Variants in MAPKAPK2 observed in about 807,000 individuals in gnomAD.
The protein encoded by MAPKAPK2 is MAP kinase-activated protein kinase 2.
A neutral mutation model predicts 48.8 loss-of-function variants in MAPKAPK2; 9 were observed. The ratio of observed to expected loss-of-function variants is 0.18; its 90% CI spans 0.11 to 0.32. MAPKAPK2 has a LOEUF of 0.32. MAPKAPK2 is among the 10% of genes least tolerant of loss of function. The probability of loss-of-function intolerance (pLI) is 1.00; values close to 1 mark genes in which losing one functional copy is unlikely to be tolerated. For missense variants in MAPKAPK2, 331 were observed against 498.3 expected (o/e 0.66, Z 3.20); for synonymous variants, 202 against 190.6 (o/e 1.06, Z -0.49).
Position 206,730,882 on chromosome 1 carries a change from T to C in MAPKAPK2, c.767+119T>C, listed in dbSNP as rs151227834. Reference sequence around the variant, plus strand: ...CCTTTGTACAGGGGAGTCCCCTGCGTGCCCCTTCTCTCAGTTCCGATAGCT... The same window carrying C: ...CCTTTGTACAGGGGAGTCCCCTGCGCGCCCCTTCTCTCAGTTCCGATAGCT... On this transcript the variant is annotated intron_variant, in intron 6 of 9. Coordinates refer to ENST00000367103, the MANE Select transcript of MAPKAPK2 (RefSeq NM_032960.4). The C allele has an allele frequency of 8.5e-5, 96 of 1,126,018 alleles. No individual in the cohort carries two copies. In the African/African-American group the frequency reaches 1.3e-3, roughly 15 times the overall value. The allele number at this position is 1,126,018 out of a possible 1,614,324, so 69.8% of individuals were successfully genotyped here. A position where few individuals can be genotyped will look rare whatever the true frequency, so the allele number is the denominator to read the frequency against.
chr1:206,700,653 T>A (rs1553427786), intron 1 of MAPKAPK2, among the ~76,000 whole-genome samples: 1 of 152,234 alleles, frequency 6.6e-6, no homozygotes, highest in Non-Finnish European at 1.5e-5. Context: ...TGTTTGGAAA[T>A]GTACAGATGA....
chr1:206,722,834 C>T (rs1309090083), intron 1 of MAPKAPK2, among the ~76,000 whole-genome samples: 1 of 152,218 alleles, frequency 6.6e-6, no homozygotes, highest in Non-Finnish European at 1.5e-5. Flanking sequence ...TTACACCCCT[C>T]AGAGCACCCG....
intron 1 of MAPKAPK2, 87 bp from the exon 2 acceptor site, chr1:206,728,623 C>A: frequency 1.3e-6 from 2 of 1,489,842 alleles, no homozygotes; most frequent in African/African-American, 1.4e-5. Flanking sequence ...TGTGGTATGT[C>A]GGTGGCGATG....
At chr1:206,688,930 G>T (rs185196361) in intron 1 of MAPKAPK2, among the ~76,000 whole-genome samples, 2 of 152,048 alleles carry the variant, frequency 1.3e-5, no homozygotes, top group Non-Finnish European at 2.9e-5. Flanking sequence ...TACCGCGCCC[G>T]GCCTGTATTA....
At chr1:206,709,662 T>G (rs1673077462) in intron 1 of MAPKAPK2, among the ~76,000 whole-genome samples, 1 of 152,222 alleles carries the variant, frequency 6.6e-6, no homozygotes, top group Admixed American at 6.5e-5. Context: ...CATTGTGTCA[T>G]TTAGTTTTTG....
Position 206,731,548 on chromosome 1 carries a change from T to C in MAPKAPK2, c.893-92T>C, listed in dbSNP as rs1350513689. The C allele has an allele frequency of 2.4e-6, 3 of 1,242,540 alleles. No individual in the cohort carries two copies. The highest frequency in any genetic ancestry group is 3.6e-6 in the Non-Finnish European group (3 of 844,414). The allele number at this position is 1,242,540 out of a possible 1,614,324, so 77.0% of individuals were successfully genotyped here. On this transcript the variant is annotated intron_variant, in intron 7 of 9. Coordinates refer to ENST00000367103, the MANE Select transcript of MAPKAPK2 (RefSeq NM_032960.4). The surrounding 1 kb of genome is among the most constrained non-coding windows in gnomAD (Gnocchi z 5.9). ...GCAGCCTGCCTCCATGCACCCCCTC[T>C]TTGAACCTGGTTTCCCCATGAAAAC...
chr1:206,716,666 T>A (rs1336948663), intron 1 of MAPKAPK2, among the ~76,000 whole-genome samples: 1 of 152,090 alleles, frequency 6.6e-6, no homozygotes, highest in Non-Finnish European at 1.5e-5. Flanking sequence ...AAAGTAAAAT[T>A]TTAGATTTGC....
chr1:206,728,604 T>TG, intron 1 of MAPKAPK2, 106 bp from the exon 2 acceptor site: 1 of 1,122,990 alleles, frequency 8.9e-7, no homozygotes, highest in Non-Finnish European at 1.2e-6. Context: ...CCAGCAGGAG[T>TG]GGGGGGTTTG....
In MAPKAPK2 at chr1:206,732,731, T is replaced by A. The variant is rs1026170326; in HGVS notation, c.*13T>A. 1.9e-6 allele frequency: 3 copies of A among 1,613,928 alleles called. No homozygotes were observed. The highest frequency in any genetic ancestry group is 2.5e-6 in the Non-Finnish European group (3 of 1,179,910). ...TCTGGCCCACTGAGCCACCGCGCCC[T>A]CCTGCCCACGGGAGGACAAGCAATA... On this transcript the variant is annotated 3_prime_UTR_variant, in exon 10 of 10. Transcript: ENST00000367103. The surrounding 1 kb of genome is among the most constrained non-coding windows in gnomAD (Gnocchi z 4.4).
intron 1 of MAPKAPK2, among the ~76,000 whole-genome samples, chr1:206,713,829 G>A (rs1388185107): frequency 6.6e-6 from 1 of 152,210 alleles, no homozygotes; most frequent in Non-Finnish European, 1.5e-5. Flanking sequence ...TCATGCCACT[G>A]CACTCCAGCC....
intron 1 of MAPKAPK2, among the ~76,000 whole-genome samples, chr1:206,686,531 G>A (rs1672293850): frequency 6.6e-6 from 1 of 152,204 alleles, no homozygotes; most frequent in South Asian, 2.1e-4. Context: ...AGGGGTTTCA[G>A]GTCAAACCAA....
chr1:206,731,494 C>T lies in MAPKAPK2; in HGVS notation c.893-146C>T, dbSNP rs904899123. Reference sequence around the variant, plus strand: ...TGCAGGGCCTCTCAAGTGGTACAGCCGTAATGGTCCTTGGGGCCAGTTGCT... The same window carrying T: ...TGCAGGGCCTCTCAAGTGGTACAGCTGTAATGGTCCTTGGGGCCAGTTGCT... On this transcript the variant is annotated intron_variant, in intron 7 of 9. Coordinates refer to ENST00000367103, the MANE Select transcript of MAPKAPK2 (RefSeq NM_032960.4). This position sits in a 1 kb window ranked among gnomAD's most constrained non-coding sequence, Gnocchi z 5.9. 54 of 1,063,360 alleles carry T rather than the reference C, an allele frequency of 5.1e-5. No homozygotes were observed. Among genetic ancestry groups the T allele is most frequent in the African/African-American group, 4.8e-4 (31 of 64,540 alleles). The allele number at this position is 1,063,360 out of a possible 1,614,324, so 65.9% of individuals were successfully genotyped here.
chr1:206,685,407 A>G lies in MAPKAPK2; in HGVS notation c.178A>G (p.Ile60Val), dbSNP rs782041388. 2 of 1,539,262 alleles carry G rather than the reference A, an allele frequency of 1.3e-6. No individual in the cohort carries two copies. Among genetic ancestry groups the G allele is most frequent in the Non-Finnish European group, 1.8e-6 (2 of 1,137,396 alleles). Residue 60 changes from isoleucine (I) to valine (V), a missense_variant, in exon 1 of 10, where the codon ATC becomes GTC. Ile to Val is a conservative substitution (Grantham distance 29, BLOSUM62 3). Around this residue, in one of 4 missense-constraint regions of MAPKAPK2, gnomAD observed 93 missense variants for 81.0 expected, o/e 1.15. Coordinates refer to ENST00000367103, the MANE Select transcript of MAPKAPK2 (RefSeq NM_032960.4). ...SGLQIKKNAIIDDYKVTSQVL... is the reference protein window; with the variant it reads ...SGLQIKKNAIVDDYKVTSQVL... ...CCTGCAGATCAAGAAGAACGCCATC[A>G]TCGATGACTACAAGGTCACCAGCCA...
intron 1 of MAPKAPK2, among the ~76,000 whole-genome samples, chr1:206,701,831 TAAAAAAAAAAA>T (rs1181483621): frequency 1.1e-5 from 1 of 86,966 alleles, no homozygotes; most frequent in Non-Finnish European, 2.2e-5. Context: ...ACCCTGTCTC[TAAAAAAAAAAA>T]AAAAAAAAAA....
At chr1:206,720,819 AATAGG>A (rs1435524089) in intron 1 of MAPKAPK2, among the ~76,000 whole-genome samples, 2 of 152,208 alleles carry the variant, frequency 1.3e-5, no homozygotes, top group African/African-American at 4.8e-5. Context: ...CAGAAGAAAA[AATAGG>A]ATAGTATTCT....
rs534331325 is a variant in MAPKAPK2 at position 206,687,379 on chromosome 1, G to A, written c.279+1871G>A. 1.4e-4 allele frequency among the ~76,000 whole-genome samples: 22 copies of A among 152,310 alleles called. No homozygotes were observed. In the South Asian group the frequency reaches 4.6e-3, roughly 32 times the overall value. On this transcript the variant is annotated intron_variant, in intron 1 of 9. Coordinates refer to ENST00000367103, the MANE Select transcript of MAPKAPK2 (RefSeq NM_032960.4). ...GTTTTGGAAGGAAAAATCCAGCAGC[G>A]TGTTAAATAACACTCATAGTTTATC... is the stretch of plus-strand genomic sequence containing the variant.
chr1:206,716,216 AATTT>A lies in MAPKAPK2; in HGVS notation c.280-12487_280-12484del, dbSNP rs561364914. ...TGTGTGAGAGGTAATGTAGAGTGAG[AATTT>A]ATTTATCAGGTGCCCTGCTCGTAGC... On this transcript the variant is annotated intron_variant, in intron 1 of 9. Transcript: ENST00000367103. 1.3e-3 allele frequency among the ~76,000 whole-genome samples: 196 copies of A among 151,732 alleles called. 1 individual carries two copies. Among genetic ancestry groups the A allele is most frequent in the African/African-American group, 4.4e-3 (182 of 41,332 alleles).
At position 206,685,050 on chromosome 1, in the gene MAPKAPK2, G is replaced by A. The variant is rs1672232446; in HGVS notation, c.-180G>A. 1 of 168,134 alleles carries A rather than the reference G, an allele frequency of 5.9e-6. No individual in the cohort carries two copies. The highest frequency in any genetic ancestry group is 6.4e-5 in the Admixed American group (1 of 15,668). The allele number at this position is 168,134 out of a possible 1,614,324, so 10.4% of individuals were successfully genotyped here. ...CCGGGCCGGTGGGAGCCAGCGGCGC[G>A]CGGTGGGACCCACGGAGCCCCGCGA... On this transcript the variant is annotated 5_prime_UTR_variant, in exon 1 of 10. Coordinates refer to ENST00000367103, the MANE Select transcript of MAPKAPK2 (RefSeq NM_032960.4).
At chr1:206,703,439 A>G (rs1231905286) in intron 1 of MAPKAPK2, among the ~76,000 whole-genome samples, 2 of 152,154 alleles carry the variant, frequency 1.3e-5, no homozygotes, top group Non-Finnish European at 2.9e-5. Context: ...AGGGGCCTTC[A>G]TATTTCTTTT....
Sources: gnomAD v4.1 joint callset for allele counts (sites outside exome capture counted in the v4.1 genomes callset) on GRCh38, gnomAD v4.1.1 for gene constraint, gnomAD v4.1.1 regional missense constraint, Gnocchi (gnomAD v3.1) non-coding constraint, MANE v1.5 for transcripts, NCBI Gene and HGNC (gene_info 2026-07-23, HGNC 2026-07-21) for gene names.